The following TMEM232 variants were observed in gnomAD, a reference collection of about 807,000 sequenced individuals.
The protein encoded by TMEM232 is transmembrane protein 232.
TMEM232 carries 80 observed loss-of-function variants against 78.8 expected under a neutral mutation model. That is an observed-to-expected ratio of 1.01 (90% CI 0.85 to 1.22). TMEM232 has a LOEUF of 1.22. Ranked by LOEUF, TMEM232 falls within the 50% of genes most tolerant of loss-of-function variation. TMEM232 has a pLI of 0.00. For synonymous variants in TMEM232, 297 were observed against 254.3 expected, an observed-to-expected ratio of 1.17 and a Z score of -1.60; for missense variants, 881 against 742.2, an observed-to-expected ratio of 1.19 and a Z score of -2.17.
At chr5:110,438,095 C>G (rs1758629011) in intron 12 of TMEM232, among the ~76,000 whole-genome samples, 1 of 152,122 alleles carries the variant, frequency 6.6e-6, no homozygotes, top group Admixed American at 6.6e-5. Context: ...TCCGGCCTCA[C>G]AGGCTGGGGA....
At chr5:110,394,290 T>G (rs551089142) in intron 3 of TMEM232, among the ~76,000 whole-genome samples, 1 of 152,342 alleles carries the variant, frequency 6.6e-6, no homozygotes, top group South Asian at 2.1e-4. Context: ...GATCTCATTC[T>G]TTTTATGTCT....
chr5:110,503,939 A>C (rs1766565956), intron 12 of TMEM232, among the ~76,000 whole-genome samples: 1 of 152,162 alleles, frequency 6.6e-6, no homozygotes, highest in Non-Finnish European at 1.5e-5. Context: ...ACATGGAATA[A>C]TTGGTTATTT....
intron 10 of TMEM232, among the ~76,000 whole-genome samples, chr5:110,594,841 C>T (rs991233001): frequency 3.3e-5 from 5 of 152,136 alleles, no homozygotes; most frequent in East Asian, 3.9e-4. Flanking sequence ...TAGCTATTGG[C>T]GCAGCTTCAG....
chr5:110,581,692 C>G (rs920465244), intron 10 of TMEM232, among the ~76,000 whole-genome samples: 1 of 151,736 alleles, frequency 6.6e-6, no homozygotes, highest in Non-Finnish European at 1.5e-5. Context: ...AGCTTCTGCA[C>G]AGTCAAAGGA....
intron 7 of TMEM232, among the ~76,000 whole-genome samples, chr5:110,620,310 A>G (rs1027664790): frequency 6.6e-6 from 1 of 152,208 alleles, no homozygotes; most frequent in Non-Finnish European, 1.5e-5. Flanking sequence ...AATTTTGGAC[A>G]ATATTACTCT....
At chr5:110,734,665 T>A (rs969021412) in intron 2 of TMEM232, among the ~76,000 whole-genome samples, 3 of 152,248 alleles carry the variant, frequency 2.0e-5, no homozygotes, top group Non-Finnish European at 2.9e-5. Context: ...TGCTTCCATT[T>A]ACTGTGTGTG....
intron 12 of TMEM232, among the ~76,000 whole-genome samples, chr5:110,485,490 C>T (rs936751382): frequency 1.3e-5 from 2 of 152,100 alleles, no homozygotes; most frequent in Non-Finnish European, 2.9e-5. Flanking sequence ...CCCCAAAGTC[C>T]ATTGTATCAT....
At chr5:110,723,502 T>C (rs529667568) in intron 1 of TMEM232, among the ~76,000 whole-genome samples, 21 of 152,296 alleles carry the variant, frequency 1.4e-4, no homozygotes, top group African/African-American at 4.3e-4. Flanking sequence ...TATCCATGGG[T>C]ACCATTATGT....
intron 2 of TMEM232, among the ~76,000 whole-genome samples, chr5:110,405,668 A>C (rs1302814964): frequency 6.6e-6 from 1 of 151,366 alleles, no homozygotes; most frequent in African/African-American, 2.4e-5. Flanking sequence ...GTAAATTGTA[A>C]AAGAAAGATT....
rs536256107 is a variant in TMEM232, at chr5:110,594,618, C to A, written c.1276+10491G>T. Among the ~76,000 whole-genome samples, 4 of 152,210 alleles carry A rather than the reference C, an allele frequency of 2.6e-5. No homozygotes were observed. In the East Asian group the frequency reaches 5.8e-4, roughly 22 times the overall value. On this transcript the variant is annotated intron_variant, in intron 10 of 13. Transcript: ENST00000455884. ...CAGCCTGGGAGGATCGAGCTTCATG[C>A]GGGAAGGGGCTTCCGTCATTACTGC...
In TMEM232 at chr5:110,640,981, T is replaced by C. The variant is rs1411059152; in HGVS notation, c.253A>G (p.Lys85Glu). 1.3e-6 allele frequency: 2 copies of C among 1,528,944 alleles called. No homozygotes were observed. The highest frequency in any genetic ancestry group is 2.8e-5 in the African/African-American group (2 of 72,152). The allele number at this position is 1,528,944 out of a possible 1,614,324, so 94.7% of individuals were successfully genotyped here. ...ILRCKRKLGL[K>E]TLGSGRHVHL... is the part of the protein sequence containing the mutation. ...ACATGCCTTCCAGAGCCCAGGGTTT[T>C]GAGACCCAATTTTCTCTGTTATGAG... The change falls in exon 4 of 14, where the codon AAA (lysine) becomes GAA (glutamate). Residue 85 changes from lysine (K) to glutamate (E), a missense_variant. Transcript: ENST00000455884.
At chr5:110,632,731 AAAAC>A (rs1250773055) in intron 5 of TMEM232, among the ~76,000 whole-genome samples, 2 of 152,168 alleles carry the variant, frequency 1.3e-5, no homozygotes, top group African/African-American at 2.4e-5. Context: ...AAAAAGAAAA[AAAAC>A]AAAGTCTCTG....
At chr5:110,485,989 A>C (rs1764421203) in intron 12 of TMEM232, among the ~76,000 whole-genome samples, 1 of 151,240 alleles carries the variant, frequency 6.6e-6, no homozygotes, top group Admixed American at 6.6e-5. Context: ...ACTGTTTTTC[A>C]ATTTTTTTTT....
intron 12 of TMEM232, chr5:110,430,096 A>C (rs566453761): frequency 6.6e-6 from 1 of 151,588 alleles, no homozygotes; most frequent in Non-Finnish European, 1.5e-5. Flanking sequence ...TGATTCCCCA[A>C]AACTTCTGGA....
intron 10 of TMEM232, among the ~76,000 whole-genome samples, chr5:110,592,047 TACTC>T (rs1375614858): frequency 2.0e-5 from 3 of 152,116 alleles, no homozygotes; most frequent in African/African-American, 7.2e-5. Context: ...GTGGAAAAAT[TACTC>T]AGTAATGCTA....
Position 110,694,959 on chromosome 5 carries a change from A to G in TMEM232, c.-12-27595T>C, listed in dbSNP as rs140015973. ...GCTCTGCACCAAGAGGACTTAATAG[A>G]CATCTACAGAACTCTCCACCCCAAA... On this transcript the variant is annotated intron_variant, in intron 1 of 13. Transcript: ENST00000455884. Among the ~76,000 whole-genome samples, 871 of 152,310 alleles carry G rather than the reference A, an allele frequency of 5.7e-3. 10 individuals carry two copies. Among genetic ancestry groups the G allele is most frequent in the African/African-American group, 0.02 (823 of 41,578 alleles).
intron 12 of TMEM232, among the ~76,000 whole-genome samples, chr5:110,499,823 C>T (rs1262388148): frequency 6.6e-6 from 1 of 152,034 alleles, no homozygotes; most frequent in African/African-American, 2.4e-5. Context: ...GTATAATCCT[C>T]TTTAATCGAT....
chr5:110,665,908 A>AC (rs1341583759), intron 2 of TMEM232, among the ~76,000 whole-genome samples: 1 of 151,594 alleles, frequency 6.6e-6, no homozygotes, highest in Admixed American at 6.6e-5. Context: ...AAAAAAAAAA[A>AC]AAAACTAAAA....
rs139346012 is a variant in TMEM232, at chr5:110,693,551, C to G, written c.-12-26187G>C. On this transcript the variant is annotated intron_variant, in intron 1 of 13. Transcript: ENST00000455884. ...AACCAATGGCAAAGAAGTTAAAAAC[C>G]CTGAAAAACGATTAGATGAATGGCT... Among the ~76,000 whole-genome samples, 1,083 of 152,126 alleles carry G rather than the reference C, an allele frequency of 7.1e-3. 11 individuals are homozygous for G. Among genetic ancestry groups the G allele is most frequent in the African/African-American group, 0.024 (1,007 of 41,528 alleles).
Sources: gnomAD v4.1 joint callset for allele counts (sites outside exome capture counted in the v4.1 genomes callset) on GRCh38, gnomAD v4.1.1 for gene constraint, MANE v1.5 for transcripts, NCBI Gene and HGNC (gene_info 2026-07-23, HGNC 2026-07-21) for gene names.